Variants in KCTD16 observed in about 807,000 individuals in gnomAD.
KCTD16 encodes BTB/POZ domain-containing protein KCTD16.
A neutral mutation model predicts 33.2 loss-of-function variants in KCTD16; 13 were observed. The observed-to-expected ratio is 0.39, with a 90% CI of 0.25 to 0.62. The LOEUF (loss-of-function observed/expected upper bound fraction) is 0.62, where lower values mean the gene tolerates loss of function less well. Ranked by LOEUF, KCTD16 falls within the 20% of genes least tolerant of loss-of-function variation. KCTD16 has a pLI of 0.50. For missense variants in KCTD16, 441 were observed against 525.1 expected, an observed-to-expected ratio of 0.84 and a Z score of 1.57; for synonymous variants, 197 against 195.3, an observed-to-expected ratio of 1.01 and a Z score of -0.07.
chr5:144,257,613 C>A (rs1001721184), intron 3 of KCTD16, among the ~76,000 whole-genome samples: 1 of 151,934 alleles, frequency 6.6e-6, no homozygotes, highest in East Asian at 1.9e-4. Flanking sequence ...CTCAGCCTCC[C>A]GAGTAGCTGG....
At chr5:144,193,251 A>G (rs765252426) in intron 2 of KCTD16, among the ~76,000 whole-genome samples, 3 of 152,170 alleles carry the variant, frequency 2.0e-5, no homozygotes, top group African/African-American at 4.8e-5. Flanking sequence ...TAAATTCCCA[A>G]TGACTTCCCA....
intron 3 of KCTD16, among the ~76,000 whole-genome samples, chr5:144,431,073 C>T (rs1023852698): frequency 1.3e-5 from 2 of 152,002 alleles, no homozygotes; most frequent in African/African-American, 2.4e-5. Context: ...AGATTAAGGA[C>T]CCTTGAGATT....
At chr5:144,253,145 T>G (rs1274685676) in intron 3 of KCTD16, among the ~76,000 whole-genome samples, 1 of 152,228 alleles carries the variant, frequency 6.6e-6, no homozygotes, top group East Asian at 1.9e-4. Context: ...CCCCTTTCGT[T>G]GTCATATTTA....
At chr5:144,419,388 G>C (rs1053174394) in intron 3 of KCTD16, among the ~76,000 whole-genome samples, 2 of 152,124 alleles carry the variant, frequency 1.3e-5, no homozygotes, top group African/African-American at 4.8e-5. Context: ...AAGAAATTGT[G>C]CACAAAGTGA....
intron 3 of KCTD16, among the ~76,000 whole-genome samples, chr5:144,458,907 G>A (rs1392593373): frequency 1.3e-5 from 2 of 152,126 alleles, no homozygotes; most frequent in Non-Finnish European, 2.9e-5. Flanking sequence ...ACAGCACATG[G>A]GAAGGCAGTA....
At chr5:144,424,810 G>A (rs909435039) in intron 3 of KCTD16, among the ~76,000 whole-genome samples, 2 of 152,076 alleles carry the variant, frequency 1.3e-5, no homozygotes, top group Non-Finnish European at 2.9e-5. Flanking sequence ...CCATTCATGA[G>A]AGTGAGAGGA....
Position 144,185,248 on chromosome 5 carries a change from C to T in KCTD16, c.-327+10776C>T, listed in dbSNP as rs572609686. On this transcript the variant is annotated intron_variant, in intron 2 of 3. Transcript: ENST00000512467. ...ACAACATTATTTTGCCTCTCTGACA[C>T]CTACTCAGTCTTTTAAAATATCACC... Among the ~76,000 whole-genome samples, 5 of 152,256 alleles carry T rather than the reference C, an allele frequency of 3.3e-5. No homozygotes were observed. The South Asian group carries it at 1.0e-3, about 32-fold the overall frequency.
chr5:144,459,696 CTTAAA>C (rs1055267231), intron 3 of KCTD16, among the ~76,000 whole-genome samples: 2 of 151,834 alleles, frequency 1.3e-5, no homozygotes, highest in African/African-American at 4.8e-5. Context: ...TTGTAAAAAA[CTTAAA>C]TTAAATCATG....
chr5:144,219,519 T>TTTTTTC (rs1753671310), intron 3 of KCTD16, among the ~76,000 whole-genome samples: 1 of 135,892 alleles, frequency 7.4e-6, no homozygotes, highest in Non-Finnish European at 1.6e-5. Context: ...GGGCCTTTTT[T>TTTTTTC]TTTTTTTTTT....
At chr5:144,176,942 AGATGCATACTTTG>A (rs1242065345) in intron 2 of KCTD16, among the ~76,000 whole-genome samples, 1 of 152,192 alleles carries the variant, frequency 6.6e-6, no homozygotes. Flanking sequence ...CTTTGTAACC[AGATGCATACTTTG>A]GATGCATACT....
intron 3 of KCTD16, among the ~76,000 whole-genome samples, chr5:144,349,600 C>G (rs1752894583): frequency 6.6e-6 from 1 of 152,172 alleles, no homozygotes; most frequent in African/African-American, 2.4e-5. Flanking sequence ...TCTTTGAATC[C>G]TATACCTACC....
At chr5:144,239,295 G>A (rs1006926850) in intron 3 of KCTD16, among the ~76,000 whole-genome samples, 1 of 152,028 alleles carries the variant, frequency 6.6e-6, no homozygotes, top group African/African-American at 2.4e-5. Context: ...CTTAGAATTT[G>A]AACATTATTA....
intron 3 of KCTD16, among the ~76,000 whole-genome samples, chr5:144,318,532 C>G (rs756973619): frequency 6.6e-6 from 1 of 152,170 alleles, no homozygotes; most frequent in Non-Finnish European, 1.5e-5. Flanking sequence ...AAAATAATTG[C>G]ATTACTTTGC....
intron 3 of KCTD16, among the ~76,000 whole-genome samples, chr5:144,470,255 A>G (rs1478298059): frequency 1.3e-5 from 2 of 152,170 alleles, no homozygotes; most frequent in Non-Finnish European, 2.9e-5. Flanking sequence ...GTGGGACTGC[A>G]AGGTCAAAGG....
At chr5:144,323,627 A>G (rs937295018) in intron 3 of KCTD16, among the ~76,000 whole-genome samples, 1 of 152,188 alleles carries the variant, frequency 6.6e-6, no homozygotes. Flanking sequence ...AAGTCCATGG[A>G]AAGTACAACC....
intron 3 of KCTD16, among the ~76,000 whole-genome samples, chr5:144,349,413 G>A (rs888315406): frequency 8.5e-5 from 13 of 152,150 alleles, no homozygotes; most frequent in African/African-American, 2.7e-4. Context: ...TACACAAGTA[G>A]TTGACAAATG....
chr5:144,474,063 T>C lies in KCTD16; in HGVS notation c.1236T>C (p.Pro412=), dbSNP rs763517025. Residue 412 remains proline (P), a synonymous_variant, in exon 4 of 4, where the codon CCT becomes CCC. Transcript: ENST00000512467. Reference sequence around the variant, plus strand: ...AAATCAAAATTCCAGATCGGTTTCCTGAGAGAAAACATCCTTGGCAATCTG... The same window carrying C: ...AAATCAAAATTCCAGATCGGTTTCCCGAGAGAAAACATCCTTGGCAATCTG... The part of the protein sequence containing the change: ...FLKIKIPDRF[P]ERKHPWQSEL... The C allele has an allele frequency of 6.2e-6, 10 of 1,613,630 alleles. No homozygotes were observed. The highest frequency in any genetic ancestry group is 8.5e-6 in the Non-Finnish European group (10 of 1,179,918).
At chr5:144,186,438 A>G (rs940490713) in intron 2 of KCTD16, among the ~76,000 whole-genome samples, 3 of 152,066 alleles carry the variant, frequency 2.0e-5, no homozygotes, top group African/African-American at 7.2e-5. Flanking sequence ...TAAATAAAAA[A>G]TTGTACATGC....
At chr5:144,323,829 A>G (rs1401844241) in intron 3 of KCTD16, among the ~76,000 whole-genome samples, 2 of 152,184 alleles carry the variant, frequency 1.3e-5, no homozygotes, top group Non-Finnish European at 2.9e-5. Context: ...GATCAGCCCT[A>G]TTAAAACCTT....
Sources: gnomAD v4.1 joint callset for allele counts (sites outside exome capture counted in the v4.1 genomes callset) on GRCh38, gnomAD v4.1.1 for gene constraint, MANE v1.5 for transcripts, NCBI Gene and HGNC (gene_info 2026-07-23, HGNC 2026-07-21) for gene names.